The following CPPED1 variants were observed in gnomAD, a reference collection of about 807,000 sequenced individuals.
CPPED1 encodes serine/threonine-protein phosphatase CPPED1.
Under a neutral mutation model 28.0 loss-of-function variants are expected in CPPED1, and 28 were observed. The ratio of observed to expected loss-of-function variants is 1.00; its 90% confidence interval spans 0.74 to 1.37. The LOEUF (loss-of-function observed/expected upper bound fraction) is 1.37. Ranked by LOEUF, CPPED1 falls within the 40% of genes most tolerant of loss-of-function variation. The probability of loss-of-function intolerance (pLI) is 0.00; values close to 1 mark genes in which losing one functional copy is unlikely to be tolerated. For missense variants in CPPED1, 504 were observed against 416.5 expected, an observed-to-expected ratio of 1.21 and a Z score of -1.83; for synonymous variants, 198 against 180.2, an observed-to-expected ratio of 1.10 and a Z score of -0.79.
chr16:12,724,150 C>T (rs889734642), intron 2 of CPPED1, among the ~76,000 whole-genome samples: 1 of 152,126 alleles, frequency 6.6e-6, no homozygotes, highest in Admixed American at 6.5e-5. Context: ...GAAGGGGTCA[C>T]AGACACCTCC....
At chr16:12,676,173 G>A (rs1177396889) in intron 3 of CPPED1, among the ~76,000 whole-genome samples, 1 of 152,128 alleles carries the variant, frequency 6.6e-6, no homozygotes, top group East Asian at 1.9e-4. Flanking sequence ...TGTGGCCCAG[G>A]ACTGCCAGGG....
chr16:12,723,234 G>A (rs977280459), intron 2 of CPPED1, among the ~76,000 whole-genome samples: 5 of 152,178 alleles, frequency 3.3e-5, no homozygotes, highest in South Asian at 2.1e-4. Flanking sequence ...CAGAGCAGTG[G>A]GCGAGCCTTA....
chr16:12,752,204 A>C (rs140819662), intron 2 of CPPED1, among the ~76,000 whole-genome samples: 50 of 152,308 alleles, frequency 3.3e-4, no homozygotes, highest in African/African-American at 1.2e-3. Flanking sequence ...TTTCTTTAAG[A>C]AAGTCTATTA....
At chr16:12,738,457 GCTT>G (rs2080238280) in intron 2 of CPPED1, among the ~76,000 whole-genome samples, 2 of 151,632 alleles carry the variant, frequency 1.3e-5, no homozygotes, top group East Asian at 3.9e-4. Context: ...ACACACACCT[GCTT>G]ATTATTAAAA....
chr16:12,781,028 T>C, intron 2 of CPPED1, 157 bp downstream of exon 2: 1 of 632,594 alleles, frequency 1.6e-6, no homozygotes, highest in South Asian at 1.9e-5. Context: ...GAGTGTGCAC[T>C]TTCTGATGTT....
Position 12,670,631 on chromosome 16 carries a change from C to A in CPPED1, c.716-5516G>T, listed in dbSNP as rs763582088. 1.3e-5 allele frequency among the ~76,000 whole-genome samples: 2 copies of A among 152,166 alleles called. No homozygotes were observed. Among genetic ancestry groups the A allele is most frequent in the Non-Finnish European group, 2.9e-5 (2 of 68,036 alleles). ...AGAAATGGCACTTCACCTCTGTGGT[C>A]TTCCTCTCCCAAATCCATCACCCCA... On this transcript the variant is annotated intron_variant, in intron 3 of 3. Transcript: ENST00000381774. The surrounding 1 kb of genome is among the most constrained non-coding windows in gnomAD (Gnocchi z 4.2).
intron 2 of CPPED1, 71 bp from the exon 3 acceptor site, chr16:12,705,120 T>G: frequency 7.0e-7 from 1 of 1,426,536 alleles, no homozygotes; most frequent in Non-Finnish European, 9.5e-7. Flanking sequence ...CTTAAGTACT[T>G]ACTAACATAA....
rs1166947316 is a variant in CPPED1 at position 12,661,752 on chromosome 16, T to G, written c.*3134A>C. The G allele has an allele frequency of 6.6e-6, 1 of 152,498 alleles. No individual in the cohort carries two copies. The highest frequency in any genetic ancestry group is 1.5e-5 in the Non-Finnish European group (1 of 68,318). The allele number at this position is 152,498 out of a possible 1,614,324, so 9.4% of individuals were successfully genotyped here. ...GGCTGTGTCCCGTGACTCATTATGG[T>G]TCAGTTCGGTTTCTAAATCTCCCCC... On this transcript the variant is annotated 3_prime_UTR_variant, in exon 4 of 4. Transcript: ENST00000381774.
chr16:12,665,012 T>C lies in CPPED1; in HGVS notation c.819A>G (p.Arg273=), dbSNP rs1377902740. 6.2e-7 allele frequency: 1 copy of C among 1,610,866 alleles called. No homozygotes were observed. Among genetic ancestry groups the C allele is most frequent in the Non-Finnish European group, 8.5e-7 (1 of 1,179,028 alleles). ...CCACGACTCGGAGCCCGTGGGGGTC[T>C]CTGCCCAGCTGGCATCCAATGGCAG... is the stretch of plus-strand genomic sequence containing the variant. The part of the protein sequence containing the change: ...VSSAIGCQLG[R]DPHGLRVVVV... The change falls in exon 4 of 4, where the codon AGA becomes AGG. Residue 273 remains arginine, a synonymous_variant. Coordinates refer to ENST00000381774, the MANE Select transcript of CPPED1 (RefSeq NM_018340.3).
At chr16:12,781,059 T>C (rs1234915802) in intron 2 of CPPED1, 126 bp downstream of exon 2, 15 of 724,156 alleles carry the variant, frequency 2.1e-5, no homozygotes, top group Admixed American at 5.2e-5. Context: ...GCAACAATCA[T>C]GAAGCGAAAG....
At chr16:12,690,814 A>G (rs1284703671) in intron 3 of CPPED1, among the ~76,000 whole-genome samples, 1 of 152,176 alleles carries the variant, frequency 6.6e-6, no homozygotes, top group East Asian at 1.9e-4. Flanking sequence ...ACACCCCTGT[A>G]TTCCACACCA....
chr16:12,673,336 G>C (rs2079862224), intron 3 of CPPED1, among the ~76,000 whole-genome samples: 1 of 152,212 alleles, frequency 6.6e-6, no homozygotes, highest in African/African-American at 2.4e-5. Flanking sequence ...TGAACGGCTG[G>C]ACAGAAAGCA....
intron 3 of CPPED1, among the ~76,000 whole-genome samples, chr16:12,679,189 CA>C (rs1267145572): frequency 6.6e-6 from 1 of 152,186 alleles, no homozygotes; most frequent in Non-Finnish European, 1.5e-5. Flanking sequence ...CTATCCTCCC[CA>C]TTCGTTTTTC....
intron 2 of CPPED1, among the ~76,000 whole-genome samples, chr16:12,766,679 G>A (rs545409578): frequency 1.7e-4 from 26 of 152,282 alleles, no homozygotes; most frequent in Non-Finnish European, 3.2e-4. Flanking sequence ...TGAGGCAGGA[G>A]AATTGCTTGA....
intron 1 of CPPED1, among the ~76,000 whole-genome samples, chr16:12,802,924 G>A (rs906711675): frequency 6.6e-6 from 1 of 152,200 alleles, no homozygotes; most frequent in African/African-American, 2.4e-5. Flanking sequence ...ACTTCCCTGG[G>A]GGTATAAAGC....
intron 2 of CPPED1, among the ~76,000 whole-genome samples, chr16:12,755,958 T>C (rs2080364075): frequency 6.6e-6 from 1 of 152,028 alleles, no homozygotes; most frequent in African/African-American, 2.4e-5. Context: ...GGTGAAAACC[T>C]GTCTCCAATA....
chr16:12,668,363 A>C (rs192740397), intron 3 of CPPED1, among the ~76,000 whole-genome samples: 9 of 152,350 alleles, frequency 5.9e-5, no homozygotes, highest in African/African-American at 2.2e-4. Flanking sequence ...TTTGGTGGAA[A>C]CTTAAAGCAT....
chr16:12,786,462 T>G (rs2080563692), intron 1 of CPPED1, among the ~76,000 whole-genome samples: 2 of 152,180 alleles, frequency 1.3e-5, no homozygotes, highest in Admixed American at 1.3e-4. Flanking sequence ...TTTTATTTTG[T>G]TTTGGTTTGG....
At chr16:12,701,830 T>C (rs72779043) in intron 3 of CPPED1, among the ~76,000 whole-genome samples, 2,304 of 152,228 alleles carry the variant, frequency 0.015, 31 homozygotes, top group Non-Finnish European at 0.023. Flanking sequence ...TAAAGGGACA[T>C]GAAATAACCA....
Sources: gnomAD v4.1 joint callset for allele counts (sites outside exome capture counted in the v4.1 genomes callset) on GRCh38, gnomAD v4.1.1 for gene constraint, Gnocchi (gnomAD v3.1) non-coding constraint, MANE v1.5 for transcripts, NCBI Gene and HGNC (gene_info 2026-07-23, HGNC 2026-07-21) for gene names.